GALNT17: variants seen among roughly 807,000 people sequenced by gnomAD.
The protein encoded by GALNT17 is polypeptide N-acetylgalactosaminyltransferase 17.
A neutral mutation model predicts 63.7 loss-of-function variants in GALNT17; 29 were observed. The ratio of observed to expected loss-of-function variants is 0.46; its 90% confidence interval spans 0.34 to 0.62. GALNT17 has a LOEUF of 0.62. Ranked by LOEUF, GALNT17 falls within the 20% of genes least tolerant of loss-of-function variation. GALNT17 has a pLI of 0.01. For missense variants in GALNT17, 603 were observed against 799.6 expected, an observed-to-expected ratio of 0.75 and a Z score of 2.97; for synonymous variants, 305 against 318.3, an observed-to-expected ratio of 0.96 and a Z score of 0.45.
At chr7:71,636,212 C>T (rs1202096140) in intron 6 of GALNT17, among the ~76,000 whole-genome samples, 1 of 152,138 alleles carries the variant, frequency 6.6e-6, no homozygotes, top group African/African-American at 2.4e-5. Flanking sequence ...TTGAAATGTG[C>T]AATACATTGT....
At chr7:71,538,324 C>T (rs985975500) in intron 5 of GALNT17, among the ~76,000 whole-genome samples, 9 of 152,162 alleles carry the variant, frequency 5.9e-5, no homozygotes, top group African/African-American at 1.4e-4. Context: ...CTCTCCTCCA[C>T]GAAAGAGGAA....
intron 3 of GALNT17, among the ~76,000 whole-genome samples, chr7:71,401,168 T>C (rs1376065850): frequency 6.6e-6 from 1 of 151,438 alleles, no homozygotes; most frequent in Non-Finnish European, 1.5e-5. Context: ...TGATCTCAGC[T>C]CACTGCAACC....
At chr7:71,488,223 G>A (rs985497937) in intron 5 of GALNT17, among the ~76,000 whole-genome samples, 5 of 150,834 alleles carry the variant, frequency 3.3e-5, no homozygotes, top group African/African-American at 7.3e-5. Flanking sequence ...TAGACAGTGC[G>A]CCCAAGAACC....
At chr7:71,574,242 C>A (rs1205918491) in intron 6 of GALNT17, among the ~76,000 whole-genome samples, 1 of 152,140 alleles carries the variant, frequency 6.6e-6, no homozygotes, top group Non-Finnish European at 1.5e-5. Flanking sequence ...TTGTGGAAGG[C>A]AGTTTGGGGA....
At chr7:71,405,446 A>G (rs1793311740) in intron 3 of GALNT17, among the ~76,000 whole-genome samples, 1 of 152,146 alleles carries the variant, frequency 6.6e-6, no homozygotes, top group African/African-American at 2.4e-5. Context: ...GAGCAACATA[A>G]CAAGACCCCA....
rs548601894 is a variant in GALNT17, at chr7:71,205,404, G to A, written c.238+72364G>A. On this transcript the variant is annotated intron_variant, in intron 1 of 10. Transcript: ENST00000333538. ...CTTGACCTCGTGATCCGCCTGCCTC[G>A]GCCTCCCAAAGTGCTGGGATTACAG... 1.9e-3 allele frequency among the ~76,000 whole-genome samples: 290 copies of A among 151,802 alleles called. 1 individual carries two copies. The highest frequency in any genetic ancestry group is 6.6e-3 in the African/African-American group (272 of 41,388).
chr7:71,410,822 C>T (rs1563072682), intron 3 of GALNT17, among the ~76,000 whole-genome samples: 1 of 152,162 alleles, frequency 6.6e-6, no homozygotes, highest in East Asian at 1.9e-4. Context: ...TCCAGTCCTT[C>T]CTGATCACAG....
intron 5 of GALNT17, among the ~76,000 whole-genome samples, chr7:71,426,202 G>A (rs560343016): frequency 5.3e-5 from 8 of 152,278 alleles, no homozygotes; most frequent in Admixed American, 2.0e-4. Context: ...TGGGGCTGGG[G>A]GATTTGGGGA....
chr7:71,682,357 T>C (rs1254950853), intron 9 of GALNT17, among the ~76,000 whole-genome samples: 2 of 152,158 alleles, frequency 1.3e-5, no homozygotes, highest in East Asian at 3.9e-4. Context: ...AACACCTTTG[T>C]GATGCCTACA....
At chr7:71,219,667 C>T (rs12537666) in intron 1 of GALNT17, among the ~76,000 whole-genome samples, 50,298 of 151,906 alleles carry the variant, frequency 0.33, 9,309 homozygotes, top group South Asian at 0.53. Context: ...ATCTTTCCCT[C>T]GATTCTCTGA....
intron 5 of GALNT17, among the ~76,000 whole-genome samples, chr7:71,434,149 A>G (rs1042643865): frequency 6.6e-6 from 1 of 152,128 alleles, no homozygotes; most frequent in African/African-American, 2.4e-5. Context: ...CCTACTTTAG[A>G]GGTTTTGGGA....
intron 9 of GALNT17, among the ~76,000 whole-genome samples, chr7:71,701,910 T>C (rs62459001): frequency 0.69 from 89,125 of 128,934 alleles, 30,743 homozygotes; most frequent in East Asian, 0.91. Context: ...TATATATATA[T>C]ACATATATAT....
At chr7:71,497,283 A>T (rs1232757012) in intron 5 of GALNT17, among the ~76,000 whole-genome samples, 2 of 152,134 alleles carry the variant, frequency 1.3e-5, no homozygotes, top group East Asian at 1.9e-4. Flanking sequence ...CATAGCATAG[A>T]TTAAGTGGTT....
chr7:71,620,588 G>A (rs932663236), intron 6 of GALNT17, among the ~76,000 whole-genome samples: 1 of 152,182 alleles, frequency 6.6e-6, no homozygotes, highest in South Asian at 2.1e-4. Context: ...AACAAAAAAA[G>A]GCACAAAACC....
intron 5 of GALNT17, among the ~76,000 whole-genome samples, chr7:71,436,733 A>T (rs1402727147): frequency 4.7e-4 from 59 of 124,498 alleles, no homozygotes; most frequent in Non-Finnish European, 8.7e-4. Context: ...AAAAAATAAA[A>T]AATAAAACAA....
At chr7:71,153,934 A>T (rs1788180795) in intron 1 of GALNT17, among the ~76,000 whole-genome samples, 1 of 131,626 alleles carries the variant, frequency 7.6e-6, no homozygotes, top group Non-Finnish European at 1.7e-5. Context: ...AAAATAAAAT[A>T]AAAATAAAAA....
chr7:71,403,921 G>A (rs1402429378), intron 3 of GALNT17, among the ~76,000 whole-genome samples: 7 of 152,084 alleles, frequency 4.6e-5, no homozygotes, highest in Non-Finnish European at 7.4e-5. Context: ...CAATATCACC[G>A]TAAATAAGAA....
At chr7:71,238,532 C>A (rs1236499440) in intron 1 of GALNT17, among the ~76,000 whole-genome samples, 1 of 152,072 alleles carries the variant, frequency 6.6e-6, no homozygotes, top group Non-Finnish European at 1.5e-5. Flanking sequence ...TGCACCTGGT[C>A]TGTGTTCAGT....
chr7:71,180,085 C>A (rs958373294), intron 1 of GALNT17, among the ~76,000 whole-genome samples: 1 of 151,998 alleles, frequency 6.6e-6, no homozygotes, highest in Non-Finnish European at 1.5e-5. Context: ...ATGTTTACAC[C>A]TTGAAGCCTT....
Sources: allele counts gnomAD v4.1 joint callset (sites outside exome capture counted in the v4.1 genomes callset), GRCh38; gene constraint gnomAD v4.1.1; transcripts MANE v1.5; gene names NCBI Gene and HGNC (gene_info 2026-07-23, HGNC 2026-07-21).